Variants in GFRA2 observed in about 807,000 individuals in gnomAD.
GFRA2 encodes the protein GDNF family receptor alpha-2.
In GFRA2, 17 loss-of-function variants were observed where a neutral mutation model predicts 48.3. The observed-to-expected ratio is 0.35, with a 90% confidence interval of 0.24 to 0.53. GFRA2 has a LOEUF of 0.53. Ranked by LOEUF, GFRA2 falls within the 20% of genes least tolerant of loss-of-function variation. The probability of loss-of-function intolerance (pLI) is 0.93; values close to 1 mark genes in which losing one functional copy is unlikely to be tolerated. For missense variants in GFRA2, 660 were observed against 637.3 expected, an observed-to-expected ratio of 1.04 and a Z score of -0.38; for synonymous variants, 305 against 257.2, an observed-to-expected ratio of 1.19 and a Z score of -1.78.
intron 4 of GFRA2, among the ~76,000 whole-genome samples, chr8:21,716,648 T>G (rs1803350810): frequency 2.6e-5 from 4 of 152,216 alleles, no homozygotes; most frequent in Admixed American, 2.6e-4. Flanking sequence ...TAAAGGGGAC[T>G]TATCATGCCA....
chr8:21,773,529 G>C (rs1806540483), intron 3 of GFRA2, among the ~76,000 whole-genome samples: 1 of 152,238 alleles, frequency 6.6e-6, no homozygotes, highest in African/African-American at 2.4e-5. Context: ...CACCTCAAGG[G>C]AGCAAAAGCT....
rs1801909783 is a variant in GFRA2 at position 21,692,241 on chromosome 8, A to G, written c.*1037T>C. 1 of 152,528 alleles carries G rather than the reference A, an allele frequency of 6.6e-6. No homozygotes were observed. The highest frequency in any genetic ancestry group is 2.4e-5 in the African/African-American group (1 of 41,452). 9.4% of individuals were successfully genotyped at this position (152,528 alleles called of 1,614,324 possible). A position where few individuals can be genotyped will look rare whatever the true frequency, so the allele number is the denominator to read the frequency against. On this transcript the variant is annotated 3_prime_UTR_variant, in exon 9 of 9. Transcript: ENST00000524240. ...GTTTTGTTGCTTAAAAAAAGGAAAG[A>G]AAGGGGAAACCACACAATATATGTA...
chr8:21,800,966 A>G (rs983433770), intron 2 of GFRA2, among the ~76,000 whole-genome samples: 1 of 151,870 alleles, frequency 6.6e-6, no homozygotes, highest in Non-Finnish European at 1.5e-5. Flanking sequence ...GGGCATCCAC[A>G]AGATTTTTCA....
In GFRA2 at chr8:21,788,108, G is replaced by C. The variant is rs1348473178; in HGVS notation, c.40+12C>G. ...CGCCTCCCCCTCGAGCTCGCCGCCCGCAGGTACTCACCTAGAAAGAAGAAG... is the reference window on the plus strand; with the variant it reads ...CGCCTCCCCCTCGAGCTCGCCGCCCCCAGGTACTCACCTAGAAAGAAGAAG... On this transcript the variant is annotated intron_variant, in intron 1 of 8. Coordinates refer to ENST00000524240, the MANE Select transcript of GFRA2 (RefSeq NM_001495.5). The C allele has an allele frequency of 2.7e-6, 3 of 1,102,904 alleles. No homozygotes were observed. Among genetic ancestry groups the C allele is most frequent in the African/African-American group, 3.6e-5 (2 of 56,228 alleles). 68.3% of individuals were successfully genotyped at this position (1,102,904 alleles called of 1,614,324 possible).
intron 2 of GFRA2, among the ~76,000 whole-genome samples, chr8:21,803,535 A>G (rs1443204924): frequency 6.6e-6 from 1 of 152,198 alleles, no homozygotes; most frequent in Non-Finnish European, 1.5e-5. Context: ...CTTCCTAACT[A>G]CAAAGTGACT....
rs1338101835 is a variant in GFRA2 at position 21,694,077 on chromosome 8, T to TATATATATATATATATATA, written c.1272+386_1272+387insTATATATATATATATATAT. Among the ~76,000 whole-genome samples, 361 of 109,204 alleles carry TATATATATATATATATATA rather than the reference T, an allele frequency of 3.3e-3. 33 individuals carry two copies. In the East Asian group the frequency reaches 0.044, roughly 13 times the overall value. 71.6% of individuals were successfully genotyped at this position (109,204 alleles called of 152,430 possible). A position where few individuals can be genotyped will look rare whatever the true frequency, so the allele number is the denominator to read the frequency against. ...TATTTATATATATATTTATTTATTT[T>TATATATATATATATATATA]TATATATATATATATTTCCTATAGT... On this transcript the variant is annotated intron_variant, in intron 8 of 8. Coordinates refer to ENST00000524240, the MANE Select transcript of GFRA2 (RefSeq NM_001495.5).
At chr8:21,744,899 G>A (rs1221828798) in intron 4 of GFRA2, among the ~76,000 whole-genome samples, 3 of 152,148 alleles carry the variant, frequency 2.0e-5, no homozygotes, top group African/African-American at 7.2e-5. Flanking sequence ...AAGCCAGGTG[G>A]AACTGTCAGT....
chr8:21,763,940 G>C (rs1263265638), intron 3 of GFRA2, among the ~76,000 whole-genome samples: 2 of 144,254 alleles, frequency 1.4e-5, no homozygotes, highest in African/African-American at 5.2e-5. Context: ...GCAGCCAAAG[G>C]TCACTAGGTA....
At chr8:21,787,940 C>T (rs1251294366) in intron 1 of GFRA2, among the ~76,000 whole-genome samples, 180 bp downstream of exon 1, 1 of 151,898 alleles carries the variant, frequency 6.6e-6, no homozygotes, top group Non-Finnish European at 1.5e-5. Context: ...GCCGCGGCTC[C>T]GGTCCCTCGT....
Position 21,714,689 on chromosome 8 carries a change from T to G in GFRA2, c.795-8648A>C, listed in dbSNP as rs577889062. Among the ~76,000 whole-genome samples the G allele has an allele frequency of 2.6e-5, 4 of 152,314 alleles. 1 individual carries two copies. The South Asian group carries it at 8.3e-4, about 32-fold the overall frequency. ...CAGGCGCTATTATCTCATTTAATTT[T>G]CTGAACAATCCCACGAAGTAGCATA... On this transcript the variant is annotated intron_variant, in intron 4 of 8. Transcript: ENST00000524240.
upstream of GFRA2, among the ~76,000 whole-genome samples, chr8:21,790,317 G>C (rs1807534581): frequency 6.6e-6 from 1 of 152,222 alleles, no homozygotes; most frequent in Admixed American, 6.5e-5. Flanking sequence ...TACACGCAGC[G>C]CCTCAGAAAC....
chr8:21,707,663 C>G (rs1171438773), intron 4 of GFRA2, among the ~76,000 whole-genome samples: 2 of 152,196 alleles, frequency 1.3e-5, no homozygotes, highest in Non-Finnish European at 2.9e-5. Flanking sequence ...TGCCCAAGTT[C>G]CCTGCTTCTC....
Position 21,782,703 on chromosome 8 carries a change from C to G in GFRA2, c.237G>C (p.Gln79His). ...TCTCCTGCAAGACCTCCAAGGCCGC[C>G]TGGCACTCCTTGTTGGCCAGCATGG... ...RNTMLANKEC[Q>H]AALEVLQESP... Residue 79 changes from glutamine (Q) to histidine (H), a missense_variant, in exon 2 of 9, where the codon CAG (glutamine) becomes CAC (histidine). Transcript: ENST00000524240. The G allele has an allele frequency of 1.3e-6, 2 of 1,594,948 alleles. No homozygotes were observed. The highest frequency in any genetic ancestry group is 1.7e-6 in the Non-Finnish European group (2 of 1,171,270).
chr8:21,737,800 G>A (rs1301755845), intron 4 of GFRA2, among the ~76,000 whole-genome samples: 4 of 152,000 alleles, frequency 2.6e-5, no homozygotes, highest in Non-Finnish European at 5.9e-5. Context: ...TGCCTACATC[G>A]AGCAGTTTAA....
chr8:21,799,409 G>T (rs943938233), intron 2 of GFRA2, among the ~76,000 whole-genome samples: 1 of 152,002 alleles, frequency 6.6e-6, no homozygotes, highest in African/African-American at 2.4e-5. Context: ...TAGTAGAGAC[G>T]GGGTTTCACA....
chr8:21,722,369 T>G (rs1194707326), intron 4 of GFRA2, among the ~76,000 whole-genome samples: 1 of 152,206 alleles, frequency 6.6e-6, no homozygotes, highest in Non-Finnish European at 1.5e-5. Context: ...TTATTTGTGG[T>G]CCCAACTTGC....
chr8:21,806,770 A>G (rs1331864584), intron 1 of GFRA2, among the ~76,000 whole-genome samples: 1 of 152,178 alleles, frequency 6.6e-6, no homozygotes, highest in Non-Finnish European at 1.5e-5. Flanking sequence ...CCTGGCCTAA[A>G]TGTATTTTTG....
intron 2 of GFRA2, among the ~76,000 whole-genome samples, chr8:21,779,971 C>T (rs1806894052): frequency 6.6e-6 from 1 of 152,064 alleles, no homozygotes; most frequent in South Asian, 2.1e-4. Flanking sequence ...CACCATTCCA[C>T]AGAAGACCCT....
chr8:21,775,021 C>T lies in GFRA2; in HGVS notation c.390G>A (p.Pro130=), dbSNP rs1452803065. The T allele has an allele frequency of 6.2e-6, 10 of 1,604,928 alleles. No homozygotes were observed. In the African/African-American group the frequency reaches 6.7e-5, roughly 11 times the overall value. Residue 130 remains proline (P), a synonymous_variant, in exon 3 of 9, where the codon CCG becomes CCA. Coordinates refer to ENST00000524240, the MANE Select transcript of GFRA2 (RefSeq NM_001495.5). ...EEFYEASPYE[P]VTSRLSDIFR... is the part of the protein sequence containing the mutation. Reference sequence around the variant, plus strand: ...AGATGTCCGAGAGGCGGGAGGTCACCGGCTCATAGGGGGAGGCTTCGTAGA... The same window carrying T: ...AGATGTCCGAGAGGCGGGAGGTCACTGGCTCATAGGGGGAGGCTTCGTAGA...
Sources: gnomAD v4.1 joint callset for allele counts (sites outside exome capture counted in the v4.1 genomes callset) on GRCh38, gnomAD v4.1.1 for gene constraint, MANE v1.5 for transcripts, NCBI Gene and HGNC (gene_info 2026-07-23, HGNC 2026-07-21) for gene names.